Variants in PCDHA2 observed in about 807,000 individuals in gnomAD.
The protein encoded by PCDHA2 is protocadherin alpha-2.
PCDHA2 carries 58 observed loss-of-function variants against 66.0 expected under a neutral mutation model. That is an observed-to-expected ratio of 0.88 (90% confidence interval 0.71 to 1.09). The LOEUF is 1.09. PCDHA2 is among the 50% of genes least tolerant of loss of function. The pLI, the probability that PCDHA2 is intolerant of heterozygous loss-of-function variation, is 0.00. For missense variants in PCDHA2, 1,267 were observed against 1,242.3 expected, an observed-to-expected ratio of 1.02 and a Z score of -0.30; for synonymous variants, 634 against 554.0, an observed-to-expected ratio of 1.14 and a Z score of -2.03.
intron 1 of PCDHA2, chr5:140,808,630 C>G: frequency 6.2e-7 from 1 of 1,613,606 alleles, no homozygotes; most frequent in Non-Finnish European, 8.5e-7. Flanking sequence ...CTGCGTGGGA[C>G]GCGGACGCGC....
intron 1 of PCDHA2, among the ~76,000 whole-genome samples, chr5:140,912,818 A>T (rs2076075875): frequency 6.6e-6 from 1 of 152,052 alleles, no homozygotes; most frequent in South Asian, 2.1e-4. Context: ...TCATAAAGGG[A>T]TTTTGAATTT....
chr5:140,875,157 A>T, intron 1 of PCDHA2: 1 of 333,552 alleles, frequency 3.0e-6, no homozygotes, highest in Non-Finnish European at 5.3e-6. Flanking sequence ...CGTGAAAAAT[A>T]ACCCAAAGTC....
intron 3 of PCDHA2, among the ~76,000 whole-genome samples, chr5:141,000,395 C>CTATA (rs1190667031): frequency 1.7e-4 from 9 of 53,980 alleles, no homozygotes; most frequent in Admixed American, 6.3e-4. Flanking sequence ...CTCTCTCTCT[C>CTATA]TATATATATA....
At position 140,840,157 on chromosome 5, in the gene PCDHA2, G is replaced by T. The variant is rs1313215896; in HGVS notation, c.2388+42805G>T. 2.0e-5 allele frequency among the ~76,000 whole-genome samples: 3 copies of T among 151,986 alleles called. No homozygotes were observed. The East Asian group carries it at 5.8e-4, about 29-fold the overall frequency. ...AGAAATTATCACACGTGAAAGGAGA[G>T]ATGGGATGTATACAAATTTTAAATA... On this transcript the variant is annotated intron_variant, in intron 1 of 3. Transcript: ENST00000526136.
chr5:140,873,621 T>C (rs1282269984), intron 1 of PCDHA2, among the ~76,000 whole-genome samples: 2 of 152,186 alleles, frequency 1.3e-5, no homozygotes, highest in African/African-American at 4.8e-5. Flanking sequence ...TAACAATTTG[T>C]TTAGGTCAAA....
intron 1 of PCDHA2, chr5:140,859,217 C>A (rs1409192343): frequency 1.3e-5 from 2 of 149,754 alleles, no homozygotes; most frequent in Non-Finnish European, 3.0e-5. Context: ...AGCTCTTTCA[C>A]TTTAAGGAAG....
rs1554244455 is a variant in PCDHA2 at position 140,982,542 on chromosome 5, A to G, written c.2515A>G (p.Thr839Ala). The G allele has an allele frequency of 1.9e-6, 3 of 1,614,210 alleles. No homozygotes were observed. The highest frequency in any genetic ancestry group is 2.2e-5 in the East Asian group (1 of 44,888). Residue 839 changes from threonine (T) to alanine (A), a missense_variant, in exon 3 of 4, where the codon ACA becomes GCA. Transcript: ENST00000526136. ...GPGGPDQQWP[T>A]VSSATPEPEA... ...AGGAGGGCCTGATCAGCAGTGGCCA[A>G]CAGTATCCAGTGCAACACCAGGTAA...
chr5:140,981,625 C>T (rs1554243036), intron 2 of PCDHA2, among the ~76,000 whole-genome samples: 2 of 152,096 alleles, frequency 1.3e-5, no homozygotes, highest in Non-Finnish European at 2.9e-5. Context: ...TGAGGGTTTT[C>T]TTGGACATTT....
intron 1 of PCDHA2, among the ~76,000 whole-genome samples, chr5:140,875,022 C>T (rs1267699693): frequency 6.6e-6 from 1 of 152,116 alleles, no homozygotes; most frequent in Non-Finnish European, 1.5e-5. Context: ...TAGGTTCTGG[C>T]CTACTGTATT....
chr5:140,871,436 G>A, intron 1 of PCDHA2: 1 of 1,612,324 alleles, frequency 6.2e-7, no homozygotes, highest in East Asian at 2.2e-5. Context: ...CTTCCTCTAG[G>A]TCTGAATAAA....
intron 1 of PCDHA2, chr5:140,967,579 C>T: frequency 7.4e-6 from 12 of 1,614,154 alleles, no homozygotes; most frequent in Non-Finnish European, 9.3e-6. Context: ...AGGACTCACC[C>T]CCAGGCACAT....
At chr5:140,902,938 C>T (rs2069876653) in intron 1 of PCDHA2, among the ~76,000 whole-genome samples, 1 of 152,186 alleles carries the variant, frequency 6.6e-6, no homozygotes. Flanking sequence ...ATATATACCA[C>T]ATTTTCTTTA....
In PCDHA2 at chr5:140,829,518, C is replaced by A. The variant is rs2150169254; in HGVS notation, c.2388+32166C>A. On this transcript the variant is annotated intron_variant, in intron 1 of 3. Coordinates refer to ENST00000526136, the MANE Select transcript of PCDHA2 (RefSeq NM_018905.3). ...AACCCGCCGGGCTGCCACATCTTCA[C>A]GGTGTCTGCGCGAGACGCGGACGCG... 5.0e-6 allele frequency: 8 copies of A among 1,613,400 alleles called. No individual in the cohort carries two copies. The Admixed American group carries it at 1.0e-4, about 20-fold the overall frequency.
chr5:140,801,942 G>GTCAGA lies in PCDHA2; in HGVS notation c.2388+4592_2388+4596dup, dbSNP rs782338092. On this transcript the variant is annotated intron_variant, in intron 1 of 3. Transcript: ENST00000526136. ...AGCGTTTGAGAGGACGATCTATAAA[G>GTCAGA]TCAGATTACTCGAAAATGCACCAAA... 61 of 1,614,190 alleles carry GTCAGA rather than the reference G, an allele frequency of 3.8e-5. 2 individuals carry two copies. In the South Asian group the frequency reaches 6.6e-4, roughly 17 times the overall value.
chr5:140,861,377 G>T (rs2046888604), intron 1 of PCDHA2: 1 of 418,518 alleles, frequency 2.4e-6, no homozygotes, highest in South Asian at 2.0e-5. Context: ...TCCCTATTGC[G>T]CAGGACCTGG....
intron 1 of PCDHA2, chr5:140,883,696 G>A (rs142212706): frequency 6.2e-7 from 1 of 1,613,818 alleles, no homozygotes; most frequent in Non-Finnish European, 8.5e-7. Flanking sequence ...ACATCTTCAC[G>A]GTGTCTGCTC....
At chr5:140,888,222 G>T (rs956304839) in intron 1 of PCDHA2, among the ~76,000 whole-genome samples, 1 of 152,168 alleles carries the variant, frequency 6.6e-6, no homozygotes, top group African/African-American at 2.4e-5. Flanking sequence ...GTGTGTGTGT[G>T]CATGTGTGTG....
At chr5:140,803,370 G>A (rs1356277408) in intron 1 of PCDHA2, 1 of 1,614,196 alleles carries the variant, frequency 6.2e-7, no homozygotes, top group Non-Finnish European at 8.5e-7. Flanking sequence ...GCGGTGCTCC[G>A]CGCCGCCAAC....
intron 1 of PCDHA2, chr5:140,801,198 A>G (rs1253970069): frequency 2.5e-6 from 4 of 1,594,388 alleles, no homozygotes; most frequent in Non-Finnish European, 3.4e-6. Context: ...AATACTTGCA[A>G]TGTTGTTCTC....
Sources: allele counts gnomAD v4.1 joint callset (sites outside exome capture counted in the v4.1 genomes callset), GRCh38; gene constraint gnomAD v4.1.1; transcripts MANE v1.5; gene names NCBI Gene and HGNC (gene_info 2026-07-23, HGNC 2026-07-21).